LMNTD1: variants seen among roughly 807,000 people sequenced by gnomAD.
LMNTD1 encodes the protein lamin tail domain containing 1.
A neutral mutation model predicts 50.9 loss-of-function variants in LMNTD1; 35 were observed. The ratio of observed to expected loss-of-function variants is 0.69; its 90% CI spans 0.53 to 0.91. The LOEUF is 0.91. Ranked by LOEUF, LMNTD1 falls within the 40% of genes least tolerant of loss-of-function variation. LMNTD1 has a pLI of 0.00. For missense variants in LMNTD1, 470 were observed against 475.5 expected, an observed-to-expected ratio of 0.99 and a Z score of 0.11; for synonymous variants, 153 against 161.9, an observed-to-expected ratio of 0.94 and a Z score of 0.42.
chr12:25,609,150 G>A (rs763556922), intron 1 of LMNTD1, among the ~76,000 whole-genome samples: 5 of 152,028 alleles, frequency 3.3e-5, no homozygotes, highest in Non-Finnish European at 5.9e-5. Context: ...CATAGTTCTC[G>A]TGCCGTGGTT....
chr12:25,526,561 G>C (rs191744286), intron 5 of LMNTD1, among the ~76,000 whole-genome samples: 180 of 152,240 alleles, frequency 1.2e-3, no homozygotes, highest in African/African-American at 4.3e-3. Context: ...ACACAAAATT[G>C]AAGACAGCTG....
chr12:25,606,993 A>G (rs917976021), intron 1 of LMNTD1, among the ~76,000 whole-genome samples: 2 of 152,160 alleles, frequency 1.3e-5, no homozygotes, highest in African/African-American at 4.8e-5. Flanking sequence ...GCTATTAATT[A>G]TTGCCTCAAT....
At chr12:25,639,040 A>G (rs1208969344) in intron 1 of LMNTD1, among the ~76,000 whole-genome samples, 1 of 152,184 alleles carries the variant, frequency 6.6e-6, no homozygotes, top group East Asian at 1.9e-4. Flanking sequence ...ATTTTTGACA[A>G]GGGTGCTAAG....
At chr12:25,643,294 A>G (rs1310966029) in intron 1 of LMNTD1, among the ~76,000 whole-genome samples, 1 of 152,218 alleles carries the variant, frequency 6.6e-6, no homozygotes, top group Non-Finnish European at 1.5e-5. Context: ...CAAGACATGC[A>G]AAGAACTTTA....
rs531967712 is a variant in LMNTD1, at chr12:25,518,614, G to A, written c.1189+181C>T. Among the ~76,000 whole-genome samples the A allele has an allele frequency of 3.3e-5, 5 of 152,318 alleles. No individual in the cohort carries two copies. The East Asian group carries it at 9.6e-4, about 29-fold the overall frequency. On this transcript the variant is annotated intron_variant, in intron 8 of 9. Transcript: ENST00000458174. ...CAGATGTTTATCTAGCACAGTGGAA[G>A]ACACTGTGCTAGGGGAAATGTAAGT...
At chr12:25,516,208 G>A (rs1364565500) in intron 8 of LMNTD1, among the ~76,000 whole-genome samples, 4 of 152,090 alleles carry the variant, frequency 2.6e-5, no homozygotes, top group South Asian at 2.1e-4. Flanking sequence ...ATGTATATCT[G>A]TTCATACTGA....
chr12:25,514,481 G>C lies in LMNTD1; in HGVS notation c.1189+4314C>G, dbSNP rs148108961. The stretch of plus-strand genomic sequence containing the variant: ...ACAATTGAACTCATGGACATACAGA[G>C]TAGAAGGATGGTTGCCAGAGGCTGG... On this transcript the variant is annotated intron_variant, in intron 8 of 9. Transcript: ENST00000458174. 1.7e-3 allele frequency among the ~76,000 whole-genome samples: 266 copies of C among 152,112 alleles called. 4 individuals are homozygous for C. The East Asian group carries it at 0.045, about 26-fold the overall frequency.
intron 1 of LMNTD1, among the ~76,000 whole-genome samples, chr12:25,606,437 T>C (rs1946105055): frequency 6.6e-6 from 1 of 152,204 alleles, no homozygotes; most frequent in Non-Finnish European, 1.5e-5. Flanking sequence ...CTTCCAGTTT[T>C]TGTCCATTCA....
At chr12:25,477,464 GT>G in intron 9 of LMNTD1, among the ~76,000 whole-genome samples, 1 of 152,260 alleles carries the variant, frequency 6.6e-6, no homozygotes, top group African/African-American at 2.4e-5. Flanking sequence ...GGAGAGGATG[GT>G]GAAGATGGAG....
chr12:25,522,228 G>A (rs1015974291), intron 6 of LMNTD1, among the ~76,000 whole-genome samples: 12 of 152,090 alleles, frequency 7.9e-5, no homozygotes, highest in African/African-American at 4.8e-5. Context: ...CATTAGTTAC[G>A]AATCCTCCCT....
chr12:25,550,671 G>A (rs560044081), intron 2 of LMNTD1, among the ~76,000 whole-genome samples: 2 of 152,224 alleles, frequency 1.3e-5, no homozygotes, highest in African/African-American at 4.8e-5. Flanking sequence ...TGAGGGCCTG[G>A]AGTTTCCTAC....
intron 8 of LMNTD1, among the ~76,000 whole-genome samples, chr12:25,504,586 T>C (rs718744): frequency 0.66 from 99,691 of 152,042 alleles, 33,118 homozygotes; most frequent in Non-Finnish European, 0.71. Context: ...AAAAACAAAA[T>C]AAAACAGGAA....
intron 9 of LMNTD1, among the ~76,000 whole-genome samples, chr12:25,489,741 C>G (rs1938824114): frequency 6.6e-6 from 1 of 151,974 alleles, no homozygotes; most frequent in South Asian, 2.1e-4. Flanking sequence ...AAAAGAAAAC[C>G]TGGTGATATT....
In LMNTD1 at chr12:25,564,883, T is replaced by A. The variant is rs182268778; in HGVS notation, c.59-18329A>T. On this transcript the variant is annotated intron_variant, in intron 1 of 7. Coordinates refer to the LMNTD1 transcript ENST00000445693. ...ATCTCTCTCTTTATCTCTAATAATATTTGCTTTATATATCTGGGTTTTTCA... is the reference window on the plus strand; with the variant it reads ...ATCTCTCTCTTTATCTCTAATAATAATTGCTTTATATATCTGGGTTTTTCA... Among the ~76,000 whole-genome samples, 5 of 152,306 alleles carry A rather than the reference T, an allele frequency of 3.3e-5. No individual in the cohort carries two copies. The East Asian group carries it at 9.6e-4, about 29-fold the overall frequency.
In LMNTD1 at chr12:25,623,098, A is replaced by AT. The variant is rs1447066865; in HGVS notation, c.58+25395dup. Reference sequence around the variant, plus strand: ...AATTAGACACACAAATAACACAAGAATTTTTTTTAATGTGGCAGTCTGAGA... The same window carrying AT: ...AATTAGACACACAAATAACACAAGAATTTTTTTTTAATGTGGCAGTCTGAGA... On this transcript the variant is annotated intron_variant, in intron 1 of 7. Transcript: ENST00000445693. Among the ~76,000 whole-genome samples, 3 of 151,956 alleles carry AT rather than the reference A, an allele frequency of 2.0e-5. No individual in the cohort carries two copies. The East Asian group carries it at 5.8e-4, about 29-fold the overall frequency.
intron 9 of LMNTD1, among the ~76,000 whole-genome samples, chr12:25,480,261 A>G (rs1022224434): frequency 6.6e-6 from 1 of 152,188 alleles, no homozygotes; most frequent in Admixed American, 6.5e-5. Flanking sequence ...CATTGTAGGC[A>G]TGGTGCATTT....
intron 1 of LMNTD1, among the ~76,000 whole-genome samples, chr12:25,597,268 TGTATAAAA>T (rs1945863316): frequency 6.6e-6 from 1 of 151,818 alleles, no homozygotes; most frequent in African/African-American, 2.4e-5. Flanking sequence ...ACACACTTCA[TGTATAAAA>T]ACACACATAG....
intron 9 of LMNTD1, among the ~76,000 whole-genome samples, chr12:25,502,690 GAGA>G (rs1939456063): frequency 6.6e-6 from 1 of 152,218 alleles, no homozygotes; most frequent in South Asian, 2.1e-4. Flanking sequence ...GCTTTGAATA[GAGA>G]AGTTGTGGCT....
At chr12:25,527,728 A>T (rs1391014998) in intron 4 of LMNTD1, among the ~76,000 whole-genome samples, 3 of 138,144 alleles carry the variant, frequency 2.2e-5, no homozygotes, top group Non-Finnish European at 4.7e-5. Context: ...ACATATACAC[A>T]CATATATATA....
Sources: gnomAD v4.1 joint callset for allele counts (sites outside exome capture counted in the v4.1 genomes callset) on GRCh38, gnomAD v4.1.1 for gene constraint, MANE v1.5 for transcripts, NCBI Gene and HGNC (gene_info 2026-07-23, HGNC 2026-07-21) for gene names.